Variants in KRABD1 observed in about 807,000 individuals in gnomAD.
The protein encoded by KRABD1 is KRAB domain containing 1.
chr3:42,942,426 T>C, the KRABD1 span: 1 of 425,474 alleles, frequency 2.4e-6, no homozygotes, highest in African/African-American at 2.0e-5. Context: ...ACAGAACAAG[T>C]AGAAAAATTT....
the KRABD1 span, chr3:42,941,996 G>A: frequency 1.8e-5 from 28 of 1,535,802 alleles, no homozygotes; most frequent in Non-Finnish European, 1.5e-5. Flanking sequence ...CTCTCATCTG[G>A]AGCAAGGGAA....
the KRABD1 span, among the ~76,000 whole-genome samples, chr3:42,940,980 G>A: frequency 6.6e-6 from 1 of 152,206 alleles, no homozygotes; most frequent in South Asian, 2.1e-4. Context: ...GAGGTCACAT[G>A]TTTAGAAGCT....
chr3:42,942,560 T>C, the KRABD1 span: 3 of 1,373,684 alleles, frequency 2.2e-6, no homozygotes, highest in Non-Finnish European at 2.9e-6. Flanking sequence ...TAAGAAGATA[T>C]ACTTACTTAG....
chr3:42,940,637 C>G, the KRABD1 span, among the ~76,000 whole-genome samples: 1 of 152,138 alleles, frequency 6.6e-6, no homozygotes, highest in African/African-American at 2.4e-5. Context: ...TAGACCCTAG[C>G]CTTTCTCAAG....
chr3:42,941,356 A>G, the KRABD1 span: 2 of 1,584,066 alleles, frequency 1.3e-6, no homozygotes, highest in East Asian at 2.3e-5. Flanking sequence ...TTTGTAGGTA[A>G]GGCCTCTCTG....
At chr3:42,939,384 T>C in the KRABD1 span, among the ~76,000 whole-genome samples, 1 of 151,202 alleles carries the variant, frequency 6.6e-6, no homozygotes, top group African/African-American at 2.5e-5. Flanking sequence ...TCACTGACGT[T>C]GTTGCACACA....
At chr3:42,939,831 C>T in the KRABD1 span, among the ~76,000 whole-genome samples, 19 of 151,976 alleles carry the variant, frequency 1.3e-4, no homozygotes, top group Non-Finnish European at 2.4e-4. Context: ...ATGTGAACTC[C>T]CTGTTCAGAT....
the KRABD1 span, chr3:42,941,850 C>A: frequency 7.1e-6 from 5 of 704,626 alleles, no homozygotes; most frequent in African/African-American, 5.2e-5. Flanking sequence ...ATAGCTCACC[C>A]GGGAATTACT....
the KRABD1 span, among the ~76,000 whole-genome samples, chr3:42,939,533 T>A: frequency 6.6e-6 from 1 of 152,224 alleles, no homozygotes; most frequent in Non-Finnish European, 1.5e-5. Flanking sequence ...AACATTCTTA[T>A]CTTTTTGTGG....
At chr3:42,938,375 T>G in the KRABD1 span, 1 of 152,318 alleles carries the variant, frequency 6.6e-6, no homozygotes, top group Non-Finnish European at 1.5e-5. Context: ...ATAGAAACTC[T>G]TGTTCTAATA....
chr3:42,940,110 G>C, the KRABD1 span, among the ~76,000 whole-genome samples: 4 of 152,246 alleles, frequency 2.6e-5, no homozygotes, highest in African/African-American at 9.6e-5. Context: ...AAGATTTATT[G>C]TTTTACCTTT....
the KRABD1 span, chr3:42,936,665 GAC>G: frequency 6.6e-6 from 1 of 152,280 alleles, no homozygotes; most frequent in Non-Finnish European, 1.5e-5. Flanking sequence ...GTCGGATACT[GAC>G]ACACATTCGC....
At chr3:42,941,837 C>G in the KRABD1 span, 1 of 671,512 alleles carries the variant, frequency 1.5e-6, no homozygotes, top group East Asian at 2.7e-5. Flanking sequence ...GGGTACCTCT[C>G]GTATAGCTCA....
At chr3:42,942,132 A>G in the KRABD1 span, 9 of 1,151,618 alleles carry the variant, frequency 7.8e-6, no homozygotes, top group South Asian at 3.9e-5. Flanking sequence ...CATTTCATCA[A>G]AATGAAAGGT....
chr3:42,936,859 A>G, the KRABD1 span: 5 of 152,094 alleles, frequency 3.3e-5, no homozygotes, highest in Non-Finnish European at 7.3e-5. Flanking sequence ...TCAGTTGGTG[A>G]TCAGTTATTT....
At chr3:42,941,967 C>T in the KRABD1 span, 10 of 1,535,264 alleles carry the variant, frequency 6.5e-6, no homozygotes, top group Non-Finnish European at 8.7e-6. Context: ...GTGCCACCCA[C>T]TTCCAAACCA....
the KRABD1 span, chr3:42,941,197 T>G: frequency 6.5e-7 from 1 of 1,537,986 alleles, no homozygotes; most frequent in Non-Finnish European, 8.7e-7. Flanking sequence ...AGTACTGAGG[T>G]CTGGGAAAGT....
At chr3:42,942,688 A>C in the KRABD1 span, 1 of 710,956 alleles carries the variant, frequency 1.4e-6, no homozygotes, top group Non-Finnish European at 2.2e-6. Flanking sequence ...TAAGGAGTTG[A>C]TGTAAGAGCC....
At chr3:42,942,105 G>C in the KRABD1 span, 73 of 1,397,804 alleles carry the variant, frequency 5.2e-5, no homozygotes, top group Middle Eastern at 1.8e-4. Context: ...CTCCAGCTTT[G>C]TCTCTTCCTT....
Sources: allele counts gnomAD v4.1 joint callset (sites outside exome capture counted in the v4.1 genomes callset), GRCh38; gene constraint gnomAD v4.1.1; transcripts MANE v1.5; gene names NCBI Gene and HGNC (gene_info 2026-07-23, HGNC 2026-07-21).